The following FAM184A variants were observed in gnomAD, a reference collection of about 807,000 sequenced individuals.
FAM184A encodes the protein family with sequence similarity 184 member A, also known as protein FAM184A.
A neutral mutation model predicts 143.8 loss-of-function variants in FAM184A; 99 were observed. That is an observed-to-expected ratio of 0.69 (90% CI 0.58 to 0.81). The LOEUF (loss-of-function observed/expected upper bound fraction) is 0.81, where lower values mean the gene tolerates loss of function less well. FAM184A is among the 40% of genes least tolerant of loss of function. The pLI is 0.00. For synonymous variants in FAM184A, 427 were observed against 446.4 expected, an observed-to-expected ratio of 0.96 and a Z score of 0.55; for missense variants, 1,217 against 1,310.5, an observed-to-expected ratio of 0.93 and a Z score of 1.10.
chr6:119,117,653 A>G (rs11754063), intron 1 of FAM184A, among the ~76,000 whole-genome samples: 26,940 of 152,212 alleles, frequency 0.18, 2,821 homozygotes, highest in Non-Finnish European at 0.24. Flanking sequence ...GTGAACCTCA[A>G]AACAACCCTG....
At chr6:119,029,540 AG>A (rs1785792505) in intron 1 of FAM184A, among the ~76,000 whole-genome samples, 1 of 152,092 alleles carries the variant, frequency 6.6e-6, no homozygotes, top group Non-Finnish European at 1.5e-5. Context: ...TTAAATTTGG[AG>A]GAGTCTTGAT....
chr6:119,143,561 G>A (rs746034316), intron 1 of FAM184A, among the ~76,000 whole-genome samples: 1 of 152,208 alleles, frequency 6.6e-6, no homozygotes, highest in Non-Finnish European at 1.5e-5. Context: ...AACAATCGAA[G>A]TATCCCACAG....
intron 1 of FAM184A, among the ~76,000 whole-genome samples, chr6:119,107,928 T>A (rs1160971584): frequency 6.6e-6 from 1 of 152,124 alleles, no homozygotes; most frequent in Non-Finnish European, 1.5e-5. Flanking sequence ...TCTAAAGAAA[T>A]TTAAGACATA....
intron 1 of FAM184A, 125 bp from the exon 2 acceptor site, chr6:119,024,938 A>C: frequency 1.1e-6 from 1 of 900,236 alleles, no homozygotes. Flanking sequence ...GCTAATGTTA[A>C]ATATGGAATC....
At chr6:119,065,876 C>G (rs1787434569) in intron 1 of FAM184A, among the ~76,000 whole-genome samples, 1 of 152,194 alleles carries the variant, frequency 6.6e-6, no homozygotes, top group African/African-American at 2.4e-5. Context: ...CCATCTGTCT[C>G]TGCCAAGGGT....
intron 14 of FAM184A, 27 bp from the exon 15 acceptor site, chr6:118,966,979 T>C (rs1363509504): frequency 2.8e-6 from 3 of 1,089,266 alleles, no homozygotes; most frequent in Non-Finnish European, 4.1e-6. Flanking sequence ...CTTTAGCTCA[T>C]TGATATCACT....
chr6:119,141,338 ACTT>A (rs1364786137), intron 1 of FAM184A, among the ~76,000 whole-genome samples: 1 of 152,162 alleles, frequency 6.6e-6, no homozygotes, highest in African/African-American at 2.4e-5. Context: ...TGAGTTTGTC[ACTT>A]CTTCCTTCTG....
intron 9 of FAM184A, 86 bp downstream of exon 9, chr6:119,002,812 CA>C: frequency 1.7e-6 from 2 of 1,188,900 alleles, no homozygotes; most frequent in Non-Finnish European, 2.3e-6. Context: ...TAACAAAATT[CA>C]GTGAATTAAC....
intron 1 of FAM184A, among the ~76,000 whole-genome samples, chr6:119,039,330 G>A (rs769956951): frequency 2.0e-5 from 3 of 152,168 alleles, no homozygotes; most frequent in Non-Finnish European, 4.4e-5. Context: ...ACAAAAACTG[G>A]CACACAGATG....
At chr6:119,043,160 T>A (rs1428517273) in intron 1 of FAM184A, among the ~76,000 whole-genome samples, 2 of 152,070 alleles carry the variant, frequency 1.3e-5, no homozygotes, top group Non-Finnish European at 2.9e-5. Context: ...GACTATGAAA[T>A]AACCTATAAA....
At chr6:119,103,507 G>A (rs991240289) in intron 1 of FAM184A, among the ~76,000 whole-genome samples, 4 of 152,158 alleles carry the variant, frequency 2.6e-5, no homozygotes, top group Non-Finnish European at 5.9e-5. Flanking sequence ...AATAAAAGAT[G>A]AGCAAGACAA....
intron 5 of FAM184A, among the ~76,000 whole-genome samples, chr6:119,012,432 C>CTGT (rs1337350278): frequency 6.6e-6 from 1 of 152,188 alleles, no homozygotes; most frequent in Non-Finnish European, 1.5e-5. Context: ...AAACCAGACA[C>CTGT]AGGTACAAAG....
chr6:118,967,634 G>A (rs1383682511), intron 14 of FAM184A, among the ~76,000 whole-genome samples: 5 of 152,122 alleles, frequency 3.3e-5, no homozygotes, highest in Non-Finnish European at 7.4e-5. Flanking sequence ...CTTTTTATAA[G>A]CAGGTGACAC....
intron 1 of FAM184A, among the ~76,000 whole-genome samples, chr6:119,045,087 A>C (rs1457109491): frequency 6.6e-6 from 1 of 152,164 alleles, no homozygotes; most frequent in Admixed American, 6.5e-5. Context: ...TTGCCCCTTC[A>C]TCCATTCAAG....
intron 9 of FAM184A, among the ~76,000 whole-genome samples, chr6:118,986,920 GATAA>G (rs1784214227): frequency 6.6e-6 from 1 of 152,124 alleles, no homozygotes; most frequent in African/African-American, 2.4e-5. Flanking sequence ...GCAACACTGA[GATAA>G]ATGTTTGTTG....
intron 9 of FAM184A, among the ~76,000 whole-genome samples, chr6:118,993,610 T>C (rs57100274): frequency 0.57 from 86,874 of 152,120 alleles, 25,169 homozygotes; most frequent in East Asian, 0.76. Flanking sequence ...AAAAACTTAA[T>C]GAATGATATG....
intron 1 of FAM184A, among the ~76,000 whole-genome samples, chr6:119,102,738 T>C (rs9401124): frequency 0.64 from 89,860 of 140,494 alleles, 29,015 homozygotes; most frequent in East Asian, 0.96. Context: ...TGCAGTGAGC[T>C]GAGATCGAGC....
intron 7 of FAM184A, chr6:119,005,457 A>G (rs1784890241): frequency 6.6e-6 from 1 of 152,224 alleles, no homozygotes; most frequent in African/African-American, 2.4e-5. Context: ...AATGTCACCA[A>G]TTCTGAACTA....
chr6:118,960,769 C>T (rs774967749), intron 17 of FAM184A: 17 of 1,361,042 alleles, frequency 1.2e-5, no homozygotes, highest in South Asian at 2.3e-5. Context: ...GAATCCCTAC[C>T]GTCTTTGGGG....
Sources: gnomAD v4.1 joint callset for allele counts (sites outside exome capture counted in the v4.1 genomes callset) on GRCh38, gnomAD v4.1.1 for gene constraint, MANE v1.5 for transcripts, NCBI Gene and HGNC (gene_info 2026-07-23, HGNC 2026-07-21) for gene names.